GARIN5A: variants seen among roughly 807,000 people sequenced by gnomAD.
GARIN5A encodes the protein Golgi-associated RAB2 interactor protein 5A.
the GARIN5A span, among the ~76,000 whole-genome samples, chr19:50,468,735 C>T: frequency 6.6e-5 from 10 of 152,120 alleles, no homozygotes; most frequent in Non-Finnish European, 1.2e-4. Context: ...TCCAGAGCAG[C>T]TGGGACTATA....
chr19:50,475,525 G>A, the GARIN5A span: 22 of 1,439,106 alleles, frequency 1.5e-5, no homozygotes, highest in Non-Finnish European at 1.9e-5. Context: ...TCAGAGGTTA[G>A]GAATCTTGGT....
the GARIN5A span, among the ~76,000 whole-genome samples, chr19:50,471,793 T>C: frequency 1.4e-5 from 2 of 146,984 alleles, 1 homozygote; most frequent in African/African-American, 5.2e-5. Context: ...TACGCATACA[T>C]GCATGTGTAT....
chr19:50,476,664 T>C, the GARIN5A span: 1 of 1,510,924 alleles, frequency 6.6e-7, no homozygotes, highest in Non-Finnish European at 8.8e-7. Flanking sequence ...GAGGGGTGAG[T>C]GCTCTTTAGC....
the GARIN5A span, chr19:50,467,872 G>A: frequency 1.3e-6 from 2 of 1,593,276 alleles, no homozygotes; most frequent in South Asian, 2.2e-5. Flanking sequence ...GACCCTGTCG[G>A]GTCCTCCAGC....
the GARIN5A span, chr19:50,476,106 C>G: frequency 4.3e-6 from 7 of 1,612,130 alleles, no homozygotes; most frequent in Non-Finnish European, 5.9e-6. Flanking sequence ...TCCAACCCCT[C>G]TAGGCCTGGC....
At chr19:50,471,026 G>T in the GARIN5A span, among the ~76,000 whole-genome samples, 1 of 151,916 alleles carries the variant, frequency 6.6e-6, no homozygotes, top group African/African-American at 2.4e-5. Context: ...ATGGAGTGGC[G>T]TGATTACAGC....
chr19:50,472,692 C>T, the GARIN5A span, among the ~76,000 whole-genome samples: 3 of 151,984 alleles, frequency 2.0e-5, no homozygotes, highest in South Asian at 2.1e-4. Flanking sequence ...CCCAGGAGTT[C>T]GAGACCAGCT....
the GARIN5A span, among the ~76,000 whole-genome samples, chr19:50,472,052 A>G: frequency 2.9e-4 from 39 of 136,442 alleles, no homozygotes; most frequent in Non-Finnish European, 3.9e-4. Flanking sequence ...ATATGTATAT[A>G]TACGTGTGTG....
chr19:50,475,908 C>A, the GARIN5A span: 2,841 of 1,613,902 alleles, frequency 1.8e-3, 4 homozygotes, highest in Non-Finnish European at 2.2e-3. Flanking sequence ...AGCGTTGGAG[C>A]CGTCTGGGAC....
chr19:50,470,856 A>T, the GARIN5A span, among the ~76,000 whole-genome samples: 1 of 151,384 alleles, frequency 6.6e-6, no homozygotes, highest in Non-Finnish European at 1.5e-5. Flanking sequence ...GGGTTTCACT[A>T]TGTTGGCCAG....
At chr19:50,473,341 GTCT>G in the GARIN5A span, among the ~76,000 whole-genome samples, 1 of 151,260 alleles carries the variant, frequency 6.6e-6, no homozygotes, top group African/African-American at 2.4e-5. Context: ...TCTTTTCTCT[GTCT>G]TCTTTCTTCC....
the GARIN5A span, among the ~76,000 whole-genome samples, chr19:50,468,195 T>C: frequency 6.6e-6 from 1 of 152,008 alleles, no homozygotes; most frequent in African/African-American, 2.4e-5. Context: ...ACCCCATCTC[T>C]ACTAAAAATA....
the GARIN5A span, among the ~76,000 whole-genome samples, chr19:50,471,897 C>CATACATGTGTGTGTGTATATGTGTAT: frequency 1.4e-5 from 2 of 145,684 alleles, no homozygotes; most frequent in Non-Finnish European, 3.0e-5. Flanking sequence ...TATATGTATG[C>CATACATGTGTGTGTGTATATGTGTAT]ATACATGTAT....
chr19:50,471,771 T>TGC, the GARIN5A span, among the ~76,000 whole-genome samples: 4 of 130,410 alleles, frequency 3.1e-5, no homozygotes, highest in East Asian at 2.3e-4. Flanking sequence ...TACGCATACA[T>TGC]ACCTGTGTGT....
At chr19:50,470,404 T>C in the GARIN5A span, among the ~76,000 whole-genome samples, 4 of 152,030 alleles carry the variant, frequency 2.6e-5, no homozygotes, top group Admixed American at 2.6e-4. Flanking sequence ...TCCCAGCTAC[T>C]TGGGAGGCTG....
At chr19:50,472,090 A>ATGTATATGTATATATACGTGTG in the GARIN5A span, among the ~76,000 whole-genome samples, 1 of 113,282 alleles carries the variant, frequency 8.8e-6, no homozygotes, top group African/African-American at 3.6e-5. Flanking sequence ...ATGTGTGTAT[A>ATGTATATGTATATATACGTGTG]TGTATATGTA....
At chr19:50,476,614 C>A in the GARIN5A span, 11 of 1,560,942 alleles carry the variant, frequency 7.0e-6, no homozygotes, top group Non-Finnish European at 9.5e-6. Flanking sequence ...AGCGCCCAGT[C>A]GAGCCCGGGG....
the GARIN5A span, among the ~76,000 whole-genome samples, chr19:50,471,614 GTATA>G: frequency 6.6e-6 from 1 of 151,818 alleles, no homozygotes; most frequent in Non-Finnish European, 1.5e-5. Flanking sequence ...ATATATGTGT[GTATA>G]TATATGTGTG....
At chr19:50,476,515 C>T in the GARIN5A span, 62 of 1,569,386 alleles carry the variant, frequency 4.0e-5, no homozygotes, top group South Asian at 2.3e-4. Flanking sequence ...TGGCTCACAG[C>T]CGTCCCTTCG....
Sources: gnomAD v4.1 joint callset for allele counts (sites outside exome capture counted in the v4.1 genomes callset) on GRCh38, gnomAD v4.1.1 for gene constraint, MANE v1.5 for transcripts, NCBI Gene and HGNC (gene_info 2026-07-23, HGNC 2026-07-21) for gene names.